The following ALK variants were observed in gnomAD, a reference collection of about 807,000 sequenced individuals.
The protein encoded by ALK is ALK tyrosine kinase receptor.
ALK carries 74 observed loss-of-function variants against 163.1 expected under a neutral mutation model. The observed-to-expected ratio is 0.45, with a 90% CI of 0.38 to 0.55. The LOEUF (loss-of-function observed/expected upper bound fraction) is 0.55. Among genes scored for constraint, ALK ranks in the 20% least tolerant of loss-of-function variants. ALK has a pLI of 0.00. For synonymous variants in ALK, 960 were observed against 843.2 expected, an observed-to-expected ratio of 1.14 and a Z score of -2.40; for missense variants, 2,063 against 2,105.3, an observed-to-expected ratio of 0.98 and a Z score of 0.39.
At chr2:29,627,376 A>G (rs1676226768) in intron 3 of ALK, among the ~76,000 whole-genome samples, 1 of 152,122 alleles carries the variant, frequency 6.6e-6, no homozygotes, top group African/African-American at 2.4e-5. Context: ...CCTCTCCCCA[A>G]CATAAGGCTC....
At position 29,717,663 on chromosome 2, in the gene ALK, A is replaced by T. The variant is rs2246745; in HGVS notation, c.702T>A (p.Pro234=). Residue 234 remains proline (P), a synonymous_variant, in exon 2 of 29, where the codon CCT becomes CCA. Coordinates refer to ENST00000389048, the MANE Select transcript of ALK (RefSeq NM_004304.5). ...HSSLESPTNM[P]SPSPDYFTWN... is the part of the protein sequence containing the mutation. ...ATGTAAAATAATCAGGAGAAGGAGA[A>T]GGCATGTTTGTTGGTGATTCCAAGG... 0.77 allele frequency: 1,246,583 copies of T among 1,613,634 alleles called. 494,258 individuals carry two copies. Among genetic ancestry groups the T allele is most frequent in the Non-Finnish European group, 0.81 (959,477 of 1,179,694 alleles).
chr2:29,681,528 C>T (rs556149032), intron 3 of ALK, among the ~76,000 whole-genome samples: 38 of 152,288 alleles, frequency 2.5e-4, no homozygotes, highest in African/African-American at 8.4e-4. Context: ...GAGGAATGCA[C>T]TTTAATGTTC....
chr2:29,485,996 C>T (rs551787823), intron 4 of ALK, among the ~76,000 whole-genome samples: 1 of 152,296 alleles, frequency 6.6e-6, no homozygotes, highest in African/African-American at 2.4e-5. Flanking sequence ...GGCCAAATTC[C>T]TGGCTGTATG....
chr2:29,553,689 C>T (rs113738213), intron 3 of ALK, among the ~76,000 whole-genome samples: 82 of 152,274 alleles, frequency 5.4e-4, no homozygotes, highest in South Asian at 1.2e-3. Flanking sequence ...AATTGCTTAC[C>T]GATGAGGCTT....
intron 9 of ALK, among the ~76,000 whole-genome samples, chr2:29,283,602 T>C (rs543247455): frequency 2.0e-5 from 3 of 152,160 alleles, no homozygotes; most frequent in Non-Finnish European, 4.4e-5. Flanking sequence ...TTCTGCTTGG[T>C]GAGGACTAGT....
At chr2:29,863,807 C>G (rs940150438) in intron 1 of ALK, among the ~76,000 whole-genome samples, 1 of 152,122 alleles carries the variant, frequency 6.6e-6, no homozygotes, top group Non-Finnish European at 1.5e-5. Context: ...ATCAGTACGT[C>G]AAAGAGATAT....
chr2:29,517,318 A>G (rs1672699075), intron 4 of ALK, among the ~76,000 whole-genome samples: 1 of 152,112 alleles, frequency 6.6e-6, no homozygotes, highest in Admixed American at 6.6e-5. Flanking sequence ...CAAGATCTTC[A>G]TTATACAACT....
chr2:29,904,970 A>G (rs1477056206), intron 1 of ALK, among the ~76,000 whole-genome samples: 3 of 152,232 alleles, frequency 2.0e-5, no homozygotes, highest in Non-Finnish European at 4.4e-5. Flanking sequence ...CTTCTGTTTT[A>G]ACAGTAAATG....
At position 29,536,754 on chromosome 2, in the gene ALK, A is replaced by C. The variant is rs555232050; in HGVS notation, c.953-4638T>G. ...AGACTAATTAAATAGTTTTGACCAA[A>C]ATGCTGATAGAAATATGGACAGTGA... On this transcript the variant is annotated intron_variant, in intron 3 of 28. Transcript: ENST00000389048. 9.2e-5 allele frequency among the ~76,000 whole-genome samples: 14 copies of C among 152,358 alleles called. No individual in the cohort carries two copies. In the South Asian group the frequency reaches 2.1e-3, roughly 23 times the overall value.
chr2:29,402,027 G>A (rs755305793), intron 4 of ALK, among the ~76,000 whole-genome samples: 12 of 152,202 alleles, frequency 7.9e-5, no homozygotes, highest in East Asian at 3.8e-4. Context: ...GGTGGGAACC[G>A]CAGGTTAGAG....
rs951497527 is a variant in ALK at position 29,440,032 on chromosome 2, G to C, written c.1155-56173C>G. On this transcript the variant is annotated intron_variant, in intron 4 of 28. Transcript: ENST00000389048. The stretch of plus-strand genomic sequence containing the variant: ...GGATCACCTGAGATCAGGAGTTCGA[G>C]ACCAGCCTGGCCAACATGGTGAAAC... Among the ~76,000 whole-genome samples the C allele has an allele frequency of 4.6e-5, 7 of 151,900 alleles. No homozygotes were observed. The East Asian group carries it at 1.4e-3, about 30-fold the overall frequency.
chr2:29,705,282 A>ATATATAT (rs1558451342), intron 2 of ALK, among the ~76,000 whole-genome samples: 806 of 33,910 alleles, frequency 0.024, 121 homozygotes, highest in East Asian at 0.029. Flanking sequence ...TATATATATA[A>ATATATAT]ATATATATCT....
Position 29,193,745 on chromosome 2 carries a change from A to AG in ALK, c.4341dup (p.Ser1448LeufsTer20), listed in dbSNP as rs2148138649. The AG allele has an allele frequency of 6.2e-7, 1 of 1,601,290 alleles. No homozygotes were observed. The highest frequency in any genetic ancestry group is 8.5e-7 in the Non-Finnish European group (1 of 1,172,554). ...GGTTTCTTTGCAGCCTTGCCAGAGG[A>AG]GGTGGTAGGCAGAGGTGGTGGGGCA... On this transcript the variant is annotated frameshift_variant, in exon 29 of 29. Coordinates refer to ENST00000389048, the MANE Select transcript of ALK (RefSeq NM_004304.5). LOFTEE classifies it low-confidence loss of function (END_TRUNC).
intron 1 of ALK, among the ~76,000 whole-genome samples, chr2:29,824,672 T>C (rs1224001495): frequency 1.3e-5 from 2 of 152,186 alleles, no homozygotes; most frequent in Non-Finnish European, 2.9e-5. Flanking sequence ...ATTTCTTCCA[T>C]TTGGAATGGT....
At chr2:29,618,163 T>G (rs1277030895) in intron 3 of ALK, among the ~76,000 whole-genome samples, 4 of 152,180 alleles carry the variant, frequency 2.6e-5, no homozygotes, top group Non-Finnish European at 5.9e-5. Context: ...AACCAGCCTT[T>G]TGTCAGGGAG....
chr2:29,834,968 G>T (rs1665518904), intron 1 of ALK, among the ~76,000 whole-genome samples: 1 of 152,200 alleles, frequency 6.6e-6, no homozygotes. Flanking sequence ...AGAGCTCATG[G>T]TAAAGAAAAC....
intron 3 of ALK, among the ~76,000 whole-genome samples, chr2:29,584,268 C>T (rs1674809056): frequency 6.6e-6 from 1 of 152,190 alleles, no homozygotes; most frequent in African/African-American, 2.4e-5. Context: ...TCATTTATTA[C>T]TTGTTAAACG....
intron 5 of ALK, among the ~76,000 whole-genome samples, chr2:29,369,713 G>A (rs144272000): frequency 3.7e-4 from 57 of 152,342 alleles, no homozygotes; most frequent in African/African-American, 1.4e-3. Flanking sequence ...GATATCCGGA[G>A]TGTGGAGAGG....
chr2:29,317,817 C>T (rs114466788), intron 8 of ALK, among the ~76,000 whole-genome samples: 4,001 of 34,438 alleles, frequency 0.12, 135 homozygotes, highest in East Asian at 0.39. Context: ...CCAGTCCCTC[C>T]ACCCACACCA....
Sources: allele counts gnomAD v4.1 joint callset (sites outside exome capture counted in the v4.1 genomes callset), GRCh38; gene constraint gnomAD v4.1.1; transcripts MANE v1.5; gene names NCBI Gene and HGNC (gene_info 2026-07-23, HGNC 2026-07-21).